SYT1: variants seen among roughly 807,000 people sequenced by gnomAD.
SYT1 encodes synaptotagmin-1.
SYT1 carries 8 observed loss-of-function variants against 44.8 expected under a neutral mutation model. The observed-to-expected ratio is 0.18, with a 90% CI of 0.10 to 0.32. The LOEUF (loss-of-function observed/expected upper bound fraction) is 0.32. SYT1 is among the 10% of genes least tolerant of loss of function. The pLI is 1.00. For synonymous variants in SYT1, 154 were observed against 188.8 expected (o/e 0.82, Z 1.51); for missense variants, 286 against 509.3 (o/e 0.56, Z 4.22).
In SYT1 at chr12:79,150,020, A is replaced by C. The variant is rs573904232; in HGVS notation, c.-17-67483A>C. Among the ~76,000 whole-genome samples, 4 of 152,282 alleles carry C rather than the reference A, an allele frequency of 2.6e-5. No homozygotes were observed. In the South Asian group the frequency reaches 8.3e-4, roughly 32 times the overall value. ...AGATTAGACTAGTTTTGAATTTTTT[A>C]TTTTTAATTTATAAATAGTAATTGT... is the stretch of plus-strand genomic sequence containing the variant. On this transcript the variant is annotated intron_variant, in intron 3 of 10. Coordinates refer to ENST00000261205, the MANE Select transcript of SYT1 (RefSeq NM_005639.3).
At chr12:79,027,784 T>A (rs1872620301) in intron 2 of SYT1, among the ~76,000 whole-genome samples, 1 of 151,606 alleles carries the variant, frequency 6.6e-6, no homozygotes, top group Admixed American at 6.6e-5. Flanking sequence ...ATACATTCTA[T>A]CTGCAGCAAT....
chr12:79,258,718 C>T (rs1877668859), intron 4 of SYT1, among the ~76,000 whole-genome samples: 1 of 152,102 alleles, frequency 6.6e-6, no homozygotes, highest in Non-Finnish European at 1.5e-5. Context: ...GAGGTTACCC[C>T]TTAGGAAGAG....
chr12:78,978,053 T>A (rs774105600), intron 2 of SYT1, 122 bp downstream of exon 2: 1 of 152,234 alleles, frequency 6.6e-6, no homozygotes, highest in Non-Finnish European at 1.5e-5. Context: ...GTGCTGAAGA[T>A]TGAAGAACTG....
intron 1 of SYT1, among the ~76,000 whole-genome samples, chr12:78,917,399 C>G (rs891132697): frequency 2.0e-5 from 3 of 151,808 alleles, no homozygotes; most frequent in African/African-American, 7.3e-5. Context: ...AACATCACAG[C>G]AAAAGGAACA....
chr12:79,349,232 G>T (rs1882783479), intron 8 of SYT1, among the ~76,000 whole-genome samples: 1 of 152,022 alleles, frequency 6.6e-6, no homozygotes, highest in Admixed American at 6.6e-5. Context: ...GATCTAACTT[G>T]AGAGACATTT....
chr12:78,884,704 G>T (rs1874638600), intron 1 of SYT1, among the ~76,000 whole-genome samples: 1 of 151,018 alleles, frequency 6.6e-6, no homozygotes, highest in Admixed American at 6.6e-5. Flanking sequence ...TTGGTTTGGG[G>T]CTGCAATTGT....
chr12:78,982,449 G>A (rs1443050211), intron 2 of SYT1, among the ~76,000 whole-genome samples: 2 of 152,094 alleles, frequency 1.3e-5, no homozygotes, highest in Non-Finnish European at 2.9e-5. Context: ...ATCTTTCATT[G>A]AAGAAAGTTA....
intron 8 of SYT1, among the ~76,000 whole-genome samples, chr12:79,325,159 G>T (rs1360033769): frequency 6.6e-6 from 1 of 152,196 alleles, no homozygotes; most frequent in Non-Finnish European, 1.5e-5. Context: ...CATGGGGGTT[G>T]CAGGGGGAGG....
chr12:78,968,094 T>C (rs922857753), intron 1 of SYT1, among the ~76,000 whole-genome samples: 1 of 152,148 alleles, frequency 6.6e-6, no homozygotes, highest in East Asian at 1.9e-4. Context: ...AAAAATTTAC[T>C]ATGAAAATTT....
intron 1 of SYT1, among the ~76,000 whole-genome samples, chr12:78,872,786 T>C (rs972528901): frequency 6.6e-6 from 1 of 151,870 alleles, no homozygotes; most frequent in Non-Finnish European, 1.5e-5. Context: ...GTATACATTT[T>C]AGGTTAGCTT....
intron 9 of SYT1, among the ~76,000 whole-genome samples, chr12:79,411,923 A>C (rs1402737416): frequency 6.6e-6 from 1 of 152,114 alleles, no homozygotes; most frequent in Non-Finnish European, 1.5e-5. Flanking sequence ...ATTGCTATAG[A>C]TCATTTCATG....
At chr12:79,134,750 C>T (rs543839038) in intron 3 of SYT1, among the ~76,000 whole-genome samples, 5 of 152,070 alleles carry the variant, frequency 3.3e-5, no homozygotes, top group African/African-American at 1.2e-4. Flanking sequence ...AATTCCATGC[C>T]TAACACAGGG....
intron 4 of SYT1, among the ~76,000 whole-genome samples, chr12:79,233,288 T>C (rs995302220): frequency 1.3e-5 from 2 of 152,216 alleles, no homozygotes; most frequent in Non-Finnish European, 2.9e-5. Context: ...GAAAATAAGA[T>C]TAGTTCATTT....
At chr12:79,073,129 G>T (rs1448459957) in intron 3 of SYT1, among the ~76,000 whole-genome samples, 3 of 151,944 alleles carry the variant, frequency 2.0e-5, no homozygotes, top group African/African-American at 7.3e-5. Context: ...AAAAGACAAG[G>T]TCTCACTCTG....
chr12:79,037,104 C>A (rs1468575335), intron 2 of SYT1, among the ~76,000 whole-genome samples: 6 of 151,818 alleles, frequency 4.0e-5, no homozygotes, highest in Admixed American at 3.9e-4. Flanking sequence ...CAAAGCCCCC[C>A]CAGGTACAAT....
At chr12:79,149,638 T>C (rs1308817465) in intron 3 of SYT1, among the ~76,000 whole-genome samples, 2 of 152,126 alleles carry the variant, frequency 1.3e-5, no homozygotes, top group African/African-American at 4.8e-5. Context: ...AAAAGATTGA[T>C]AAGTGATAAA....
chr12:79,358,332 C>T (rs554984339), intron 9 of SYT1, among the ~76,000 whole-genome samples: 6 of 152,136 alleles, frequency 3.9e-5, no homozygotes, highest in South Asian at 4.1e-4. Context: ...TGTTTTTCTA[C>T]TTCAATCTGA....
At chr12:79,389,971 T>C (rs909682393) in intron 9 of SYT1, among the ~76,000 whole-genome samples, 7 of 152,074 alleles carry the variant, frequency 4.6e-5, no homozygotes, top group East Asian at 1.9e-4. Context: ...CTTGCTCTGT[T>C]GCCCAGGCTG....
chr12:78,875,021 G>A (rs746680170), intron 1 of SYT1, among the ~76,000 whole-genome samples: 1 of 151,574 alleles, frequency 6.6e-6, no homozygotes, highest in Non-Finnish European at 1.5e-5. Flanking sequence ...ACCAAGAACA[G>A]CAAATTGCAG....
Sources: gnomAD v4.1 joint callset for allele counts (sites outside exome capture counted in the v4.1 genomes callset) on GRCh38, gnomAD v4.1.1 for gene constraint, MANE v1.5 for transcripts, NCBI Gene and HGNC (gene_info 2026-07-23, HGNC 2026-07-21) for gene names.